THSD7A: variants seen among roughly 807,000 people sequenced by gnomAD.
The protein encoded by THSD7A is thrombospondin type-1 domain-containing protein 7A.
A neutral mutation model predicts 231.3 loss-of-function variants in THSD7A; 96 were observed. The observed-to-expected ratio is 0.41, with a 90% confidence interval of 0.35 to 0.49. The LOEUF is 0.49. THSD7A is among the 20% of genes least tolerant of loss of function. The pLI is 0.05. For missense variants in THSD7A, 2,290 were observed against 2,070.2 expected, an observed-to-expected ratio of 1.11 and a Z score of -2.06; for synonymous variants, 940 against 743.3, an observed-to-expected ratio of 1.26 and a Z score of -4.30.
At chr7:11,543,190 G>T in intron 4 of THSD7A, 73 bp from the exon 5 acceptor site, 1 of 1,414,332 alleles carries the variant, frequency 7.1e-7, no homozygotes, top group Non-Finnish European at 9.7e-7. Context: ...TGATTTTTCT[G>T]TGTGTATGGA....
chr7:11,516,333 T>C (rs1018025455), intron 6 of THSD7A, among the ~76,000 whole-genome samples: 2 of 152,184 alleles, frequency 1.3e-5, no homozygotes, highest in African/African-American at 4.8e-5. Context: ...AAGATAAGTA[T>C]GGTTATTGAT....
chr7:11,491,432 C>T (rs566932040), intron 6 of THSD7A, among the ~76,000 whole-genome samples: 153 of 151,926 alleles, frequency 1.0e-3, no homozygotes, highest in African/African-American at 3.0e-3. Flanking sequence ...CTCTGGACTA[C>T]GTAATTAACA....
Position 11,474,587 on chromosome 7 carries a change from A to T in THSD7A, c.2018-19T>A, listed in dbSNP as rs142736133. ...ATTCCACCTAAAAACATGGACAATG[A>T]TAGCAAATTAGATACGGTGCCAACA... On this transcript the variant is annotated intron_variant, in intron 7 of 27. Transcript: ENST00000423059. The surrounding 1 kb of genome is among the most constrained non-coding windows in gnomAD (Gnocchi z 4.1). 1.4e-3 allele frequency: 2,131 copies of T among 1,572,122 alleles called. 22 individuals are homozygous for T. In the African/African-American group the frequency reaches 0.026, roughly 19 times the overall value.
intron 1 of THSD7A, among the ~76,000 whole-genome samples, chr7:11,757,372 T>C (rs1346125749): frequency 6.6e-6 from 1 of 152,022 alleles, no homozygotes; most frequent in Non-Finnish European, 1.5e-5. Flanking sequence ...ACAACAAATG[T>C]TAAGGCATTT....
At chr7:11,716,991 T>C (rs1216476334) in intron 1 of THSD7A, among the ~76,000 whole-genome samples, 1 of 151,684 alleles carries the variant, frequency 6.6e-6, no homozygotes, top group Non-Finnish European at 1.5e-5. Flanking sequence ...ATTCCTATCA[T>C]AAACTCCTCA....
At chr7:11,696,712 G>A (rs1780413238) in intron 1 of THSD7A, among the ~76,000 whole-genome samples, 1 of 151,312 alleles carries the variant, frequency 6.6e-6, no homozygotes, top group African/African-American at 2.4e-5. Flanking sequence ...AAAACATGAT[G>A]GGGCTACCTG....
chr7:11,590,893 T>C lies in THSD7A; in HGVS notation c.1272-252A>G, dbSNP rs772906689. Among the ~76,000 whole-genome samples, 9 of 152,154 alleles carry C rather than the reference T, an allele frequency of 5.9e-5. No individual in the cohort carries two copies. The highest frequency in any genetic ancestry group is 1.3e-4 in the Non-Finnish European group (9 of 68,026). On this transcript the variant is annotated intron_variant, in intron 3 of 27. Transcript: ENST00000423059. The surrounding 1 kb of genome is among the most constrained non-coding windows in gnomAD (Gnocchi z 4.4). Reference sequence around the variant, plus strand: ...CTGGAAGTTACTTATAAATATTTTATGAAAAGGGAGCACAATGCTGAAAAC... The same window carrying C: ...CTGGAAGTTACTTATAAATATTTTACGAAAAGGGAGCACAATGCTGAAAAC...
chr7:11,712,236 AC>A (rs1181850881), intron 1 of THSD7A, among the ~76,000 whole-genome samples: 2 of 151,002 alleles, frequency 1.3e-5, no homozygotes, highest in African/African-American at 2.4e-5. Flanking sequence ...ACTATACCCT[AC>A]TTTTCTGGGT....
intron 6 of THSD7A, among the ~76,000 whole-genome samples, chr7:11,528,308 A>G (rs1447148459): frequency 1.3e-5 from 2 of 152,140 alleles, no homozygotes; most frequent in East Asian, 3.9e-4. Context: ...AAGAGCTCCA[A>G]TGTCTCTTTT....
intron 2 of THSD7A, among the ~76,000 whole-genome samples, chr7:11,603,245 G>C (rs1780612292): frequency 6.6e-6 from 1 of 151,776 alleles, no homozygotes; most frequent in African/African-American, 2.4e-5. Context: ...CTCAAAAGAA[G>C]ACATTTATGC....
chr7:11,428,809 T>A, intron 14 of THSD7A, 138 bp downstream of exon 14: 1 of 906,148 alleles, frequency 1.1e-6, no homozygotes, highest in Non-Finnish European at 1.7e-6. Flanking sequence ...CATGTATGTA[T>A]TTATTCAGGC....
At chr7:11,573,244 T>A (rs755431865) in intron 4 of THSD7A, among the ~76,000 whole-genome samples, 4 of 152,164 alleles carry the variant, frequency 2.6e-5, no homozygotes, top group Non-Finnish European at 5.9e-5. Context: ...TCTGCTAGAC[T>A]CCAGGGTATC....
intron 6 of THSD7A, among the ~76,000 whole-genome samples, chr7:11,538,216 C>T (rs1788994087): frequency 6.6e-6 from 1 of 152,080 alleles, no homozygotes; most frequent in South Asian, 2.1e-4. Context: ...CTGAGGTGTA[C>T]TGCTTTAAAA....
intron 6 of THSD7A, among the ~76,000 whole-genome samples, chr7:11,525,540 C>G (rs961946839): frequency 6.6e-6 from 1 of 152,062 alleles, no homozygotes; most frequent in South Asian, 2.1e-4. Flanking sequence ...ACAACTATTT[C>G]TGGCACATAA....
intron 1 of THSD7A, among the ~76,000 whole-genome samples, chr7:11,737,515 A>G (rs980330960): frequency 1.9e-4 from 29 of 152,034 alleles, no homozygotes; most frequent in African/African-American, 6.5e-4. Flanking sequence ...TCCTGGAATC[A>G]GTAGATATTT....
intron 6 of THSD7A, among the ~76,000 whole-genome samples, chr7:11,531,190 A>G (rs754223444): frequency 2.0e-5 from 3 of 152,190 alleles, no homozygotes; most frequent in Non-Finnish European, 4.4e-5. Context: ...ATTCTTTTAA[A>G]TTAGCACTGT....
chr7:11,472,312 G>A (rs1207089261), intron 8 of THSD7A, among the ~76,000 whole-genome samples: 3 of 152,156 alleles, frequency 2.0e-5, no homozygotes, highest in African/African-American at 7.2e-5. Context: ...GTTTGTTACC[G>A]GGAGGACAGA....
intron 4 of THSD7A, among the ~76,000 whole-genome samples, chr7:11,560,062 C>T (rs565740615): frequency 3.0e-4 from 45 of 152,080 alleles, no homozygotes; most frequent in African/African-American, 1.0e-3. Flanking sequence ...TATTGAATAA[C>T]GTTATGTCAA....
chr7:11,735,204 G>A (rs1323667900), intron 1 of THSD7A, among the ~76,000 whole-genome samples: 1 of 151,606 alleles, frequency 6.6e-6, no homozygotes, highest in Non-Finnish European at 1.5e-5. Context: ...CACTTATTTG[G>A]CACTTAAGAA....
Sources: allele counts gnomAD v4.1 joint callset (sites outside exome capture counted in the v4.1 genomes callset), GRCh38; gene constraint gnomAD v4.1.1; non-coding constraint Gnocchi (gnomAD v3.1); transcripts MANE v1.5; gene names NCBI Gene and HGNC (gene_info 2026-07-23, HGNC 2026-07-21).